Variants in TAFA1 observed in about 807,000 individuals in gnomAD.
The protein encoded by TAFA1 is TAFA chemokine like family member 1, also known as chemokine-like protein TAFA-1.
TAFA1 carries 4 observed loss-of-function variants against 18.5 expected under a neutral mutation model. That is an observed-to-expected ratio of 0.22 (90% CI 0.11 to 0.49). The LOEUF is 0.49. Ranked by LOEUF, TAFA1 falls within the 20% of genes least tolerant of loss-of-function variation. The pLI is 0.98. For missense variants in TAFA1, 147 were observed against 169.0 expected, an observed-to-expected ratio of 0.87 and a Z score of 0.72; for synonymous variants, 56 against 55.2, an observed-to-expected ratio of 1.01 and a Z score of -0.06.
intron 2 of TAFA1, among the ~76,000 whole-genome samples, chr3:68,127,968 G>A (rs958391761): frequency 5.1e-4 from 78 of 151,848 alleles, no homozygotes; most frequent in Non-Finnish European, 1.0e-3. Context: ...AAGTGGTGAT[G>A]GTGGTGGTGA....
Position 68,108,435 on chromosome 3 carries a change from GGTGTGT to G in TAFA1, c.118+101713_118+101718del, listed in dbSNP as rs59097248. Among the ~76,000 whole-genome samples, 556 of 141,142 alleles carry G rather than the reference GGTGTGT, an allele frequency of 3.9e-3. 19 individuals carry two copies. The East Asian group carries it at 0.09, about 23-fold the overall frequency. The allele number at this position is 141,142 out of a possible 152,430, so 92.6% of individuals were successfully genotyped here. ...TAGTAGGAAAGATGTTTTATTTGAA[GGTGTGT>G]GTGTGTGTGTGTGTGTGTGTGCATG... On this transcript the variant is annotated intron_variant, in intron 2 of 4. Transcript: ENST00000478136.
At chr3:68,201,557 C>T (rs1010466507) in intron 2 of TAFA1, among the ~76,000 whole-genome samples, 4 of 151,658 alleles carry the variant, frequency 2.6e-5, no homozygotes, top group Non-Finnish European at 5.9e-5. Flanking sequence ...TATTTTGATG[C>T]TCTGTTATTA....
At chr3:68,175,451 G>A (rs2066111211) in intron 2 of TAFA1, among the ~76,000 whole-genome samples, 1 of 152,174 alleles carries the variant, frequency 6.6e-6, no homozygotes, top group Admixed American at 6.5e-5. Context: ...CCAAGACTAT[G>A]GGAACCCACC....
intron 2 of TAFA1, among the ~76,000 whole-genome samples, chr3:68,319,078 T>C (rs146886616): frequency 5.9e-5 from 9 of 152,292 alleles, no homozygotes; most frequent in African/African-American, 1.7e-4. Context: ...TGGGTCCTAT[T>C]TGGCATATTA....
chr3:68,512,984 A>G (rs1217734583), intron 3 of TAFA1, among the ~76,000 whole-genome samples: 2 of 152,130 alleles, frequency 1.3e-5, no homozygotes, highest in Admixed American at 1.3e-4. Flanking sequence ...GTGGTTCTAC[A>G]TGTCATGGAT....
At position 68,339,184 on chromosome 3, in the gene TAFA1, C is replaced by T. The variant is rs75727686; in HGVS notation, c.119-78096C>T. ...AAAGAACCGCAGCAGTGCTTACATC[C>T]ACCATAGTCACCCTTCCTTTTCTTC... On this transcript the variant is annotated intron_variant, in intron 2 of 4. Transcript: ENST00000478136. 3.6e-3 allele frequency among the ~76,000 whole-genome samples: 552 copies of T among 152,338 alleles called. 4 individuals carry two copies. Among genetic ancestry groups the T allele is most frequent in the African/African-American group, 0.012 (515 of 41,582 alleles).
At chr3:68,099,422 G>A (rs746901466) in intron 2 of TAFA1, among the ~76,000 whole-genome samples, 2 of 151,974 alleles carry the variant, frequency 1.3e-5, no homozygotes, top group Non-Finnish European at 2.9e-5. Context: ...ATCACTAATC[G>A]TCAGAGAAAT....
At chr3:68,441,789 C>G (rs936010722) in intron 3 of TAFA1, among the ~76,000 whole-genome samples, 2 of 152,130 alleles carry the variant, frequency 1.3e-5, no homozygotes, top group African/African-American at 4.8e-5. Context: ...AGACTAGGGC[C>G]TGGTTCACAG....
intron 2 of TAFA1, among the ~76,000 whole-genome samples, chr3:68,018,076 G>A (rs1245812992): frequency 6.6e-6 from 1 of 152,196 alleles, no homozygotes; most frequent in African/African-American, 2.4e-5. Context: ...ATGGCTAGAG[G>A]CCCTGCACTA....
At chr3:68,488,707 T>G (rs1400533707) in intron 3 of TAFA1, among the ~76,000 whole-genome samples, 1 of 152,178 alleles carries the variant, frequency 6.6e-6, no homozygotes, top group Admixed American at 6.5e-5. Flanking sequence ...AATAGAAGAT[T>G]ATTAGTGTAC....
At chr3:68,236,211 G>A (rs767546868) in intron 2 of TAFA1, among the ~76,000 whole-genome samples, 2 of 152,074 alleles carry the variant, frequency 1.3e-5, no homozygotes, top group Admixed American at 6.6e-5. Context: ...TAATAAAGGT[G>A]GACATTCTGA....
In TAFA1 at chr3:68,371,897, T is replaced by C. The variant is rs886089498; in HGVS notation, c.119-45383T>C. On this transcript the variant is annotated intron_variant, in intron 2 of 4. Transcript: ENST00000478136. ...TGTCAGTACCAGCTAATTGCTCCCA[T>C]GGGGACATGGTGATCCAGTGCTGCT... Among the ~76,000 whole-genome samples the C allele has an allele frequency of 2.2e-4, 33 of 152,300 alleles. 1 individual carries two copies. The East Asian group carries it at 2.7e-3, about 12-fold the overall frequency.
chr3:68,380,973 C>G (rs1186402497), intron 2 of TAFA1, among the ~76,000 whole-genome samples: 2 of 149,266 alleles, frequency 1.3e-5, no homozygotes, highest in African/African-American at 2.5e-5. Context: ...GATCCAGTTT[C>G]AGCTTTCTAC....
At chr3:68,012,294 T>C (rs1704487556) in intron 2 of TAFA1, among the ~76,000 whole-genome samples, 1 of 152,204 alleles carries the variant, frequency 6.6e-6, no homozygotes, top group Non-Finnish European at 1.5e-5. Context: ...TGTTAAGCTA[T>C]AGTTATTGCA....
intron 2 of TAFA1, among the ~76,000 whole-genome samples, chr3:68,312,693 T>C (rs1844890): frequency 0.41 from 62,706 of 152,104 alleles, 15,066 homozygotes; most frequent in Non-Finnish European, 0.54. Flanking sequence ...AGTTCCAAAC[T>C]TTCCCACATT....
chr3:68,027,778 A>G (rs938141364), intron 2 of TAFA1, among the ~76,000 whole-genome samples: 2 of 152,228 alleles, frequency 1.3e-5, no homozygotes, highest in Non-Finnish European at 2.9e-5. Flanking sequence ...GTCATCTAAT[A>G]TATTAACTAG....
chr3:68,026,579 C>G (rs1704821665), intron 2 of TAFA1, among the ~76,000 whole-genome samples: 5 of 151,974 alleles, frequency 3.3e-5, no homozygotes, highest in Admixed American at 3.3e-4. Context: ...ATTATTTAAC[C>G]CTGACAATGA....
intron 2 of TAFA1, among the ~76,000 whole-genome samples, chr3:68,108,107 T>C (rs996746510): frequency 1.3e-5 from 2 of 152,136 alleles, no homozygotes; most frequent in African/African-American, 4.8e-5. Context: ...AAAAATCACC[T>C]TTTACAGAAG....
chr3:68,363,417 C>A (rs1281318159), intron 2 of TAFA1, among the ~76,000 whole-genome samples: 2 of 152,060 alleles, frequency 1.3e-5, no homozygotes, highest in African/African-American at 4.8e-5. Context: ...TGGAGCAAAT[C>A]TTATGAGGTA....
Sources: gnomAD v4.1 joint callset for allele counts (sites outside exome capture counted in the v4.1 genomes callset) on GRCh38, gnomAD v4.1.1 for gene constraint, MANE v1.5 for transcripts, NCBI Gene and HGNC (gene_info 2026-07-23, HGNC 2026-07-21) for gene names.